The following CASZ1 variants were observed in gnomAD, a reference collection of about 807,000 sequenced individuals.
The protein encoded by CASZ1 is zinc finger protein castor homolog 1.
A neutral mutation model predicts 135.2 loss-of-function variants in CASZ1; 28 were observed. That is an observed-to-expected ratio of 0.21 (90% CI 0.15 to 0.28). The LOEUF (loss-of-function observed/expected upper bound fraction) is 0.28. Ranked by LOEUF, CASZ1 falls within the 10% of genes least tolerant of loss-of-function variation. CASZ1 has a pLI of 1.00. For missense variants in CASZ1, 2,161 were observed against 2,453.3 expected (o/e 0.88, Z 2.52); for synonymous variants, 1,068 against 1,073.4 (o/e 0.99, Z 0.10).
rs1227868526 is a variant in CASZ1 at position 10,697,051 on chromosome 1, A to T, written c.-23-3139T>A. The stretch of plus-strand genomic sequence containing the variant: ...CCTCCACTCTGTCAAGTCCCTGGCC[A>T]GGTAGCCACAGGCTGAGTGGGCCCT... On this transcript the variant is annotated intron_variant, in intron 3 of 20. Transcript: ENST00000377022. The surrounding 1 kb of genome is among the most constrained non-coding windows in gnomAD (Gnocchi z 4.7). 6.6e-6 allele frequency among the ~76,000 whole-genome samples: 1 copy of T among 152,228 alleles called. No individual in the cohort carries two copies. Among genetic ancestry groups the T allele is most frequent in the African/African-American group, 2.4e-5 (1 of 41,464 alleles).
rs764396496 is a variant in CASZ1, at chr1:10,644,952, T to C, written c.3833A>G (p.Lys1278Arg). The change falls in exon 18 of 21, where the codon AAA becomes AGA. Residue 1278 changes from lysine to arginine, a missense_variant. By Grantham distance (26) the Lys-to-Arg change is conservative. Coordinates refer to ENST00000377022, the MANE Select transcript of CASZ1 (RefSeq NM_001079843.3). ...ACACTCCTCGCGCTTGGTGAAGTAT[T>C]TGAAGCCATTGGCTGCCCGCCGCTC... ...KAERRAANGF[K>R]YFTKREECGR... is the part of the protein sequence containing the mutation. 4 of 1,613,794 alleles carry C rather than the reference T, an allele frequency of 2.5e-6. No individual in the cohort carries two copies. The highest frequency in any genetic ancestry group is 2.5e-6 in the Non-Finnish European group (3 of 1,180,008).
In CASZ1 at chr1:10,660,383, G is replaced by A; in HGVS notation, c.659C>T (p.Ser220Phe). 2 of 1,614,182 alleles carry A rather than the reference G, an allele frequency of 1.2e-6. No individual in the cohort carries two copies. The highest frequency in any genetic ancestry group is 2.2e-5 in the East Asian group (1 of 44,882). ...ATCCTCGGAGGTGGGCAGCATGGAG[G>A]AGGTGGCTGCCTCCGGGGTGGAGCC... ...HAGSTPEAAT[S>F]SMLPTSEDTL... Residue 220 changes from serine to phenylalanine, a missense_variant, in exon 6 of 21, where the codon TCC becomes TTC. Ser to Phe is a radical substitution (Grantham distance 155). Transcript: ENST00000377022.
At position 10,643,150 on chromosome 1, in the gene CASZ1, G is replaced by A; in HGVS notation, c.4020+10C>T. 6.2e-7 allele frequency: 1 copy of A among 1,609,918 alleles called. No homozygotes were observed. The highest frequency in any genetic ancestry group is 8.5e-7 in the Non-Finnish European group (1 of 1,179,042). ...CCCTGGCTGGGCTCTCACCTGGGGG[G>A]GGCTCTCACCTGGGAGGGGGGCACG... On this transcript the variant is annotated intron_variant, in intron 19 of 20. Coordinates refer to ENST00000377022, the MANE Select transcript of CASZ1 (RefSeq NM_001079843.3).
At position 10,653,762 on chromosome 1, in the gene CASZ1, G is replaced by C; in HGVS notation, c.2295C>G (p.Thr765=). 6.2e-7 allele frequency: 1 copy of C among 1,610,882 alleles called. No individual in the cohort carries two copies. The highest frequency in any genetic ancestry group is 8.5e-7 in the Non-Finnish European group (1 of 1,178,340). The change falls in exon 11 of 21, where the codon ACC becomes ACG. Residue 765 remains threonine (T), a synonymous_variant. Coordinates refer to ENST00000377022, the MANE Select transcript of CASZ1 (RefSeq NM_001079843.3). The stretch of plus-strand genomic sequence containing the variant: ...CCGAGATCTTGCTGTTGGGAGGTTT[G>C]GTGGCACTGGGCCCAGCCTCGGTGG... ...TAATEAGPSA[T]KPPNSKISGL... is the part of the protein sequence containing the mutation.
At chr1:10,702,985 A>AGAGAGAGC (rs987789774) in intron 3 of CASZ1, among the ~76,000 whole-genome samples, 1 of 151,366 alleles carries the variant, frequency 6.6e-6, no homozygotes, top group Admixed American at 6.6e-5. Context: ...AGAGAGAGAG[A>AGAGAGAGC]GCGCCATGGA....
At chr1:10,750,693 A>C (rs933128769) in intron 2 of CASZ1, among the ~76,000 whole-genome samples, 1 of 152,094 alleles carries the variant, frequency 6.6e-6, no homozygotes, top group African/African-American at 2.4e-5. Context: ...TGAGGTCAGG[A>C]GTTAGAGACC....
In CASZ1 at chr1:10,711,920, G is replaced by A. The variant is rs756058033; in HGVS notation, c.-76-6376C>T. Among the ~76,000 whole-genome samples, 5 of 152,106 alleles carry A rather than the reference G, an allele frequency of 3.3e-5. No homozygotes were observed. Among genetic ancestry groups the A allele is most frequent in the Non-Finnish European group, 7.4e-5 (5 of 68,024 alleles). On this transcript the variant is annotated intron_variant, in intron 2 of 20. Coordinates refer to ENST00000377022, the MANE Select transcript of CASZ1 (RefSeq NM_001079843.3). The surrounding 1 kb of genome is among the most constrained non-coding windows in gnomAD (Gnocchi z 4.4). ...GAAAGCAGTGGTTGCCAGGGACTGG[G>A]GGAAGGGGACAGTGAGGAGGGACTG...
chr1:10,758,145 G>A (rs1640293728), intron 2 of CASZ1, among the ~76,000 whole-genome samples: 2 of 152,266 alleles, frequency 1.3e-5, no homozygotes, highest in South Asian at 4.1e-4. Context: ...TGCCAGGAGT[G>A]CCAAGCAGTC....
chr1:10,765,844 T>A (rs896285882), intron 1 of CASZ1, among the ~76,000 whole-genome samples: 4 of 152,298 alleles, frequency 2.6e-5, no homozygotes, highest in African/African-American at 9.6e-5. Context: ...CAGAGGCCCT[T>A]CCTCCGTATC....
At chr1:10,743,170 G>C (rs1246137789) in intron 2 of CASZ1, among the ~76,000 whole-genome samples, 1 of 152,132 alleles carries the variant, frequency 6.6e-6, no homozygotes, top group Non-Finnish European at 1.5e-5. Context: ...GGACAGAGGG[G>C]CAGAGGCTGG....
At chr1:10,780,606 C>G (rs1356820239) in intron 1 of CASZ1, among the ~76,000 whole-genome samples, 2 of 152,154 alleles carry the variant, frequency 1.3e-5, no homozygotes, top group African/African-American at 4.8e-5. Context: ...AAACACTAGA[C>G]AGAAATACAC....
chr1:10,640,160 G>C (rs986499605), intron 20 of CASZ1, 101 bp from the exon 21 acceptor site: 2 of 1,489,510 alleles, frequency 1.3e-6, no homozygotes, highest in Middle Eastern at 2.0e-4. Context: ...TGGCGCCAGA[G>C]GGCGGCATTT....
Position 10,654,609 on chromosome 1 carries a change from G to C in CASZ1, c.1666-18C>G. ...CAGCCCACCTGCACAGGACGGGATGGTGGTCAGGCGAACGGAGGCCAGGTG... is the reference window on the plus strand; with the variant it reads ...CAGCCCACCTGCACAGGACGGGATGCTGGTCAGGCGAACGGAGGCCAGGTG... On this transcript the variant is annotated intron_variant, in intron 9 of 20. Transcript: ENST00000377022. 2 of 1,609,660 alleles carry C rather than the reference G, an allele frequency of 1.2e-6. No homozygotes were observed. Among genetic ancestry groups the C allele is most frequent in the Admixed American group, 3.3e-5 (2 of 59,740 alleles).
Position 10,665,315 on chromosome 1 carries a change from C to G in CASZ1, c.273G>C (p.Trp91Cys). ...EDKRRAVIEKWVNGEYSEEPA... is the reference protein window; with the variant it reads ...EDKRRAVIEKCVNGEYSEEPA... ...GCTCCTCGCTGTACTCCCCGTTCAC[C>G]CACTTCTCGATCACTGCCCGTCTCT... is the stretch of plus-strand genomic sequence containing the variant. Residue 91 changes from tryptophan (W) to cysteine (C), a missense_variant, in exon 5 of 21, where the codon TGG becomes TGC. Around this residue, in one of 7 missense-constraint regions of CASZ1, gnomAD observed 590 missense variants for 609.8 expected, o/e 0.97. Transcript: ENST00000377022. The G allele has an allele frequency of 6.2e-7, 1 of 1,612,846 alleles. No homozygotes were observed. The highest frequency in any genetic ancestry group is 8.5e-7 in the Non-Finnish European group (1 of 1,179,214).
intron 4 of CASZ1, among the ~76,000 whole-genome samples, chr1:10,680,781 C>T (rs970598499): frequency 1.3e-5 from 2 of 152,252 alleles, no homozygotes; most frequent in African/African-American, 4.8e-5. Context: ...GAGTCACCAG[C>T]AACAGGGACT....
In CASZ1 at chr1:10,759,325, A is replaced by G. The variant is rs1194379950; in HGVS notation, c.-77+1376T>C. Among the ~76,000 whole-genome samples the G allele has an allele frequency of 6.6e-6, 1 of 152,182 alleles. No homozygotes were observed. ...AGGTGCAGGTGCTAACGCCAAGCCC[A>G]GAAGACTTCAGCGCCACGAAACTCC... is the stretch of plus-strand genomic sequence containing the variant. On this transcript the variant is annotated intron_variant, in intron 2 of 20. Coordinates refer to ENST00000377022, the MANE Select transcript of CASZ1 (RefSeq NM_001079843.3). This position sits in a 1 kb window ranked among gnomAD's most constrained non-coding sequence, Gnocchi z 4.2.
chr1:10,761,859 G>A (rs1010683752), intron 1 of CASZ1, among the ~76,000 whole-genome samples: 6 of 152,156 alleles, frequency 3.9e-5, no homozygotes, highest in Non-Finnish European at 8.8e-5. Flanking sequence ...TGCTCGGTCC[G>A]CTCTCCTGCC....
intron 4 of CASZ1, among the ~76,000 whole-genome samples, chr1:10,669,332 G>A (rs1001527427): frequency 1.3e-5 from 2 of 152,118 alleles, no homozygotes; most frequent in African/African-American, 2.4e-5. Context: ...CCCCTGCCCC[G>A]TCCCCTCCTC....
chr1:10,737,356 C>T (rs777795309), intron 2 of CASZ1, among the ~76,000 whole-genome samples: 8 of 137,930 alleles, frequency 5.8e-5, no homozygotes, highest in Non-Finnish European at 9.6e-5. Context: ...CCAGGGCTGC[C>T]GTCAGCCTGG....
Sources: gnomAD v4.1 joint callset for allele counts (sites outside exome capture counted in the v4.1 genomes callset) on GRCh38, gnomAD v4.1.1 for gene constraint, gnomAD v4.1.1 regional missense constraint, Gnocchi (gnomAD v3.1) non-coding constraint, MANE v1.5 for transcripts, NCBI Gene and HGNC (gene_info 2026-07-23, HGNC 2026-07-21) for gene names.